The following PRMT7 variants were observed in gnomAD, a reference collection of about 807,000 sequenced individuals.
PRMT7 encodes the protein protein arginine N-methyltransferase 7.
In PRMT7, 75 loss-of-function variants were observed where a neutral mutation model predicts 85.4. The ratio of observed to expected loss-of-function variants is 0.88; its 90% confidence interval spans 0.73 to 1.06. The LOEUF is 1.06. PRMT7 is among the 50% of genes least tolerant of loss of function. The pLI is 0.00. For synonymous variants in PRMT7, 397 were observed against 359.5 expected (o/e 1.10, Z -1.18); for missense variants, 868 against 915.2 (o/e 0.95, Z 0.67).
At chr16:68,316,219 A>C in intron 3 of PRMT7, 145 bp downstream of exon 3, 2 of 681,800 alleles carry the variant, frequency 2.9e-6, no homozygotes, top group East Asian at 5.4e-5. Context: ...AGGTCTGCTC[A>C]GCCAGGTAGG....
downstream of PRMT7, chr16:68,360,230 G>A (rs1396171407): frequency 6.6e-6 from 1 of 152,534 alleles, no homozygotes; most frequent in African/African-American, 2.4e-5. Context: ...CCGTGGGGGA[G>A]AGGATTGGCA....
At chr16:68,331,818 A>G (rs2151609311) in intron 6 of PRMT7, among the ~76,000 whole-genome samples, 1 of 152,192 alleles carries the variant, frequency 6.6e-6, no homozygotes, top group Non-Finnish European at 1.5e-5. Flanking sequence ...GTTCCACTTG[A>G]TTCTTTTTCA....
downstream of PRMT7, chr16:68,360,553 CT>C: frequency 6.5e-6 from 1 of 153,074 alleles, no homozygotes; most frequent in Non-Finnish European, 1.5e-5. Context: ...TGTGATTAAC[CT>C]TTTTCTGTTT....
At chr16:68,342,208 G>C (rs536608159) in intron 9 of PRMT7, among the ~76,000 whole-genome samples, 1 of 152,164 alleles carries the variant, frequency 6.6e-6, no homozygotes, top group Non-Finnish European at 1.5e-5. Context: ...AACCCAGGAG[G>C]TGGAAATTGA....
rs1323876960 is a variant in PRMT7 at position 68,357,998 on chromosome 16, A to G, written c.*774A>G. Reference sequence around the variant, plus strand: ...GTATGGCAGGGAGCAGCCCCTGCCCAGCGCCGCTTCACCAGGAAGGTCAGT... The same window carrying G: ...GTATGGCAGGGAGCAGCCCCTGCCCGGCGCCGCTTCACCAGGAAGGTCAGT... On this transcript the variant is annotated 3_prime_UTR_variant, in exon 19 of 19. Transcript: ENST00000441236. 1 of 152,342 alleles carries G rather than the reference A, an allele frequency of 6.6e-6. No individual in the cohort carries two copies. Among genetic ancestry groups the G allele is most frequent in the Non-Finnish European group, 1.5e-5 (1 of 68,156 alleles). 9.4% of individuals were successfully genotyped at this position (152,342 alleles called of 1,614,324 possible).
chr16:68,349,796 G>A (rs1401734711), intron 14 of PRMT7, among the ~76,000 whole-genome samples: 1 of 152,160 alleles, frequency 6.6e-6, no homozygotes. Flanking sequence ...TGAGGTGGGT[G>A]AGGTGGGAGG....
intron 3 of PRMT7, chr16:68,319,129 G>A (rs2082199223): frequency 6.6e-6 from 1 of 152,238 alleles, no homozygotes; most frequent in African/African-American, 2.4e-5. Flanking sequence ...TGGAGATTAG[G>A]CGTTTAGGTT....
At chr16:68,333,753 G>A (rs761694223) in intron 6 of PRMT7, among the ~76,000 whole-genome samples, 1 of 152,030 alleles carries the variant, frequency 6.6e-6, no homozygotes, top group African/African-American at 2.4e-5. Context: ...CTTAGGCCAG[G>A]CCCCTCATAT....
At chr16:68,332,593 C>CTG (rs1016589337) in intron 6 of PRMT7, among the ~76,000 whole-genome samples, 17 of 152,142 alleles carry the variant, frequency 1.1e-4, no homozygotes, top group African/African-American at 3.9e-4. Context: ...GAGTATTACC[C>CTG]TGTGTGTGTG....
intron 14 of PRMT7, 50 bp downstream of exon 14, chr16:68,348,481 G>A (rs772690885): frequency 1.4e-6 from 2 of 1,467,178 alleles, no homozygotes; most frequent in Non-Finnish European, 9.5e-7. Context: ...AGGGTGGTCA[G>A]CACGGCACTG....
intron 3 of PRMT7, among the ~76,000 whole-genome samples, chr16:68,320,073 G>A (rs985162851): frequency 3.3e-5 from 5 of 152,220 alleles, no homozygotes; most frequent in South Asian, 2.1e-4. Context: ...CTCTTTCCCC[G>A]GCTGCTCTCC....
At chr16:68,333,516 T>A (rs1471769546) in intron 6 of PRMT7, among the ~76,000 whole-genome samples, 1 of 150,020 alleles carries the variant, frequency 6.7e-6, no homozygotes, top group African/African-American at 2.4e-5. Context: ...AGAAACTAGG[T>A]CTCGCTTTGT....
At chr16:68,346,338 T>C in intron 11 of PRMT7, 58 bp downstream of exon 11, 1 of 1,606,034 alleles carries the variant, frequency 6.2e-7, no homozygotes, top group Non-Finnish European at 8.5e-7. Context: ...GTTTGTCCCA[T>C]GAACCCCAGC....
intron 14 of PRMT7, among the ~76,000 whole-genome samples, chr16:68,349,291 C>T (rs2086910807): frequency 6.6e-6 from 1 of 151,788 alleles, no homozygotes; most frequent in East Asian, 1.9e-4. Flanking sequence ...TCCCCTACTG[C>T]ATCCTCTCTG....
intron 16 of PRMT7, 106 bp from the exon 17 acceptor site, chr16:68,355,617 C>A (rs965839592): frequency 1.7e-6 from 2 of 1,209,156 alleles, no homozygotes; most frequent in Non-Finnish European, 2.2e-6. Flanking sequence ...TATGGGAGAA[C>A]GCACACCCCT....
At chr16:68,320,368 C>T (rs1261042619) in intron 3 of PRMT7, among the ~76,000 whole-genome samples, 1 of 152,078 alleles carries the variant, frequency 6.6e-6, no homozygotes, top group Non-Finnish European at 1.5e-5. Context: ...CTGACAGCCA[C>T]GAACAGAACT....
rs1597368652 is a variant in PRMT7 at position 68,340,761 on chromosome 16, T to C, written c.927+793T>C. On this transcript the variant is annotated intron_variant, in intron 9 of 18. Transcript: ENST00000441236. Reference sequence around the variant, plus strand: ...GCAATGCTGCTTTCAGACATGGGGCTGTGGCTGGATTTGCGTCTGTGCAGA... The same window carrying C: ...GCAATGCTGCTTTCAGACATGGGGCCGTGGCTGGATTTGCGTCTGTGCAGA... 3.9e-5 allele frequency among the ~76,000 whole-genome samples: 6 copies of C among 152,312 alleles called. No individual in the cohort carries two copies. In the South Asian group the frequency reaches 1.2e-3, roughly 32 times the overall value.
At chr16:68,314,470 G>A (rs528026794) in intron 2 of PRMT7, among the ~76,000 whole-genome samples, 14 of 152,340 alleles carry the variant, frequency 9.2e-5, no homozygotes, top group Admixed American at 8.5e-4. Context: ...GACCTCAGGT[G>A]ATCCGCCTGC....
In PRMT7 at chr16:68,311,112, G is replaced by A. The variant is rs1390320871; in HGVS notation, c.-219+13G>A. ...TTTCCCGCGGCGGGTGAGGCGCTGGGTATGCTGGGAAGGTGGGGTCGCTTT... is the reference window on the plus strand; with the variant it reads ...TTTCCCGCGGCGGGTGAGGCGCTGGATATGCTGGGAAGGTGGGGTCGCTTT... On this transcript the variant is annotated intron_variant, in intron 1 of 18. Coordinates refer to ENST00000441236, the MANE Select transcript of PRMT7 (RefSeq NM_019023.5). The A allele has an allele frequency of 4.3e-6, 3 of 695,748 alleles. No individual in the cohort carries two copies. The highest frequency in any genetic ancestry group is 1.5e-5 in the South Asian group (1 of 65,762). 43.1% of individuals were successfully genotyped at this position (695,748 alleles called of 1,614,324 possible).
Sources: allele counts gnomAD v4.1 joint callset (sites outside exome capture counted in the v4.1 genomes callset), GRCh38; gene constraint gnomAD v4.1.1; transcripts MANE v1.5; gene names NCBI Gene and HGNC (gene_info 2026-07-23, HGNC 2026-07-21).